ZNF599: variants seen among roughly 807,000 people sequenced by gnomAD.
The protein encoded by ZNF599 is zinc finger protein 599.
In ZNF599, 10 loss-of-function variants were observed where a neutral mutation model predicts 11.7. The observed-to-expected ratio is 0.86, with a 90% CI of 0.53 to 1.45. The LOEUF is 1.45. Among genes scored for constraint, ZNF599 ranks in the 40% most tolerant of loss-of-function variants. The pLI, the probability that ZNF599 is intolerant of heterozygous loss-of-function variation, is 0.00. For missense variants in ZNF599, 688 were observed against 713.6 expected (o/e 0.96, Z 0.41); for synonymous variants, 232 against 253.2 (o/e 0.92, Z 0.79).
At chr19:34,766,625 C>G (rs1440122882) in intron 3 of ZNF599, among the ~76,000 whole-genome samples, 2 of 152,186 alleles carry the variant, frequency 1.3e-5, no homozygotes, top group Non-Finnish European at 2.9e-5. Flanking sequence ...CCCAAACAAC[C>G]CAGTCATGCA....
At chr19:34,781,372 A>T in the ZNF599 span, among the ~76,000 whole-genome samples, 1 of 152,188 alleles carries the variant, frequency 6.6e-6, no homozygotes, top group African/African-American at 2.4e-5. Flanking sequence ...CTGACAGGTG[A>T]CACTTTTTCA....
At chr19:34,772,251 T>A in intron 1 of ZNF599, 1 of 904,160 alleles carries the variant, frequency 1.1e-6, no homozygotes. Flanking sequence ...GATTCATTTG[T>A]AATAAACAGA....
At chr19:34,765,263 G>A (rs1267976953) in intron 3 of ZNF599, 2 of 287,544 alleles carry the variant, frequency 7.0e-6, no homozygotes, top group East Asian at 6.3e-5. Context: ...ACCTCGATTT[G>A]CTTCTAAAGT....
the ZNF599 span, among the ~76,000 whole-genome samples, chr19:34,803,308 G>A: frequency 6.6e-6 from 1 of 152,166 alleles, no homozygotes; most frequent in Non-Finnish European, 1.5e-5. Context: ...TTGGGGAAAA[G>A]GAAAGGCAGA....
At chr19:34,802,168 T>A in the ZNF599 span, among the ~76,000 whole-genome samples, 1 of 152,216 alleles carries the variant, frequency 6.6e-6, no homozygotes, top group African/African-American at 2.4e-5. Flanking sequence ...CAAATGTGTA[T>A]CTGCACACCA....
At chr19:34,784,063 GA>G in the ZNF599 span, among the ~76,000 whole-genome samples, 1 of 152,194 alleles carries the variant, frequency 6.6e-6, no homozygotes, top group Admixed American at 6.5e-5. Context: ...TCAAACAAAA[GA>G]AATTGATTAT....
the ZNF599 span, among the ~76,000 whole-genome samples, chr19:34,805,197 CT>C: frequency 9.9e-3 from 1,244 of 125,880 alleles, 8 homozygotes; most frequent in African/African-American, 0.025. Context: ...TAAGTGCTAC[CT>C]TTTTTTTTTT....
the ZNF599 span, among the ~76,000 whole-genome samples, chr19:34,803,114 A>G: frequency 6.6e-6 from 1 of 152,172 alleles, no homozygotes; most frequent in South Asian, 2.1e-4. Flanking sequence ...GTGGGCTTAT[A>G]AAGGCTGACG....
the ZNF599 span, among the ~76,000 whole-genome samples, chr19:34,787,519 G>T: frequency 0.12 from 18,679 of 152,190 alleles, 1,314 homozygotes; most frequent in African/African-American, 0.19. Context: ...ATAGGCCACA[G>T]GATTCAACGC....
upstream of ZNF599, among the ~76,000 whole-genome samples, chr19:34,774,188 C>A (rs187350254): frequency 3.3e-5 from 5 of 152,186 alleles, no homozygotes; most frequent in Non-Finnish European, 7.4e-5. Flanking sequence ...TACCTGCAGC[C>A]CTAAGGGAAG....
chr19:34,781,475 G>T, the ZNF599 span, among the ~76,000 whole-genome samples: 19,812 of 152,150 alleles, frequency 0.13, 1,367 homozygotes, highest in Middle Eastern at 0.2. Context: ...TTGTTAGCTT[G>T]AGTGGGAGAG....
At chr19:34,776,799 G>T (rs959570905), upstream of ZNF599, among the ~76,000 whole-genome samples, 1 of 152,202 alleles carries the variant, frequency 6.6e-6, no homozygotes, top group Non-Finnish European at 1.5e-5. Flanking sequence ...TACCCCATCG[G>T]CAGAGAGTAG....
the ZNF599 span, among the ~76,000 whole-genome samples, chr19:34,795,661 T>C: frequency 6.6e-6 from 1 of 152,212 alleles, no homozygotes; most frequent in African/African-American, 2.4e-5. Flanking sequence ...CTACCACACA[T>C]ACTCCTCATT....
chr19:34,803,464 T>G, the ZNF599 span, among the ~76,000 whole-genome samples: 6 of 152,134 alleles, frequency 3.9e-5, no homozygotes, highest in Non-Finnish European at 7.4e-5. Flanking sequence ...CATGGCCACT[T>G]CCTCAAAGGT....
At chr19:34,791,026 T>C in the ZNF599 span, among the ~76,000 whole-genome samples, 2 of 152,248 alleles carry the variant, frequency 1.3e-5, no homozygotes, top group African/African-American at 2.4e-5. Flanking sequence ...CATTACCTTA[T>C]ACAGTTCCAT....
At chr19:34,788,212 T>A in the ZNF599 span, among the ~76,000 whole-genome samples, 2 of 152,232 alleles carry the variant, frequency 1.3e-5, no homozygotes, top group East Asian at 3.9e-4. Context: ...GGAACCAATG[T>A]CCCATGGATC....
intron 2 of ZNF599, 81 bp downstream of exon 2, chr19:34,769,348 G>A (rs2069166682): frequency 6.2e-7 from 1 of 1,600,830 alleles, no homozygotes; most frequent in African/African-American, 1.3e-5. Context: ...GGGTTCTGAG[G>A]CTCCTGGACC....
chr19:34,764,451 T>C (rs917942839), intron 3 of ZNF599: 4 of 152,262 alleles, frequency 2.6e-5, no homozygotes, highest in Non-Finnish European at 4.4e-5. Flanking sequence ...TATGGGTTTA[T>C]ATCCAACAAA....
the ZNF599 span, among the ~76,000 whole-genome samples, chr19:34,803,490 T>C: frequency 6.6e-6 from 1 of 152,306 alleles, no homozygotes; most frequent in African/African-American, 2.4e-5. Flanking sequence ...TACTCTGTTA[T>C]GATAGGGACA....
Sources: gnomAD v4.1 joint callset for allele counts (sites outside exome capture counted in the v4.1 genomes callset) on GRCh38, gnomAD v4.1.1 for gene constraint, MANE v1.5 for transcripts, NCBI Gene and HGNC (gene_info 2026-07-23, HGNC 2026-07-21) for gene names.